SGIP1: variants seen among roughly 807,000 people sequenced by gnomAD.
The protein encoded by SGIP1 is SH3GL interacting endocytic adaptor 1, also known as SH3-containing GRB2-like protein 3-interacting protein 1.
In SGIP1, 38 loss-of-function variants were observed where a neutral mutation model predicts 107.5. The observed-to-expected ratio is 0.35, with a 90% CI of 0.27 to 0.46. The LOEUF is 0.46. Among genes scored for constraint, SGIP1 ranks in the 20% least tolerant of loss-of-function variants. SGIP1 has a pLI of 1.00. For synonymous variants in SGIP1, 365 were observed against 366.1 expected, an observed-to-expected ratio of 1.00 and a Z score of 0.03; for missense variants, 929 against 1,019.5, an observed-to-expected ratio of 0.91 and a Z score of 1.21.
chr1:66,739,997 CAGAGGA>C (rs2094395200), intron 22 of SGIP1, among the ~76,000 whole-genome samples: 1 of 152,204 alleles, frequency 6.6e-6, no homozygotes, highest in Non-Finnish European at 1.5e-5. Context: ...GATTGCTGAT[CAGAGGA>C]AAACAGTCAA....
chr1:66,563,950 C>T (rs2059309297), intron 1 of SGIP1, among the ~76,000 whole-genome samples: 1 of 151,950 alleles, frequency 6.6e-6, no homozygotes, highest in Non-Finnish European at 1.5e-5. Flanking sequence ...CCAGTCCTGC[C>T]ATGAATAGAT....
At chr1:66,690,774 A>G (rs1004836749) in intron 17 of SGIP1, among the ~76,000 whole-genome samples, 5 of 152,160 alleles carry the variant, frequency 3.3e-5, no homozygotes, top group Admixed American at 2.6e-4. Context: ...TTGACAGATG[A>G]TATAAACATC....
At chr1:66,559,482 C>T (rs778756516) in intron 1 of SGIP1, among the ~76,000 whole-genome samples, 1 of 152,030 alleles carries the variant, frequency 6.6e-6, no homozygotes, top group Non-Finnish European at 1.5e-5. Context: ...AAAACTCTAA[C>T]TCAAACTGCC....
chr1:66,571,118 G>A (rs1481221236), intron 1 of SGIP1, among the ~76,000 whole-genome samples: 1 of 152,022 alleles, frequency 6.6e-6, no homozygotes, highest in Non-Finnish European at 1.5e-5. Context: ...AAGTTGAATT[G>A]GATTAGGCCT....
chr1:66,536,286 A>C (rs1345795044), intron 1 of SGIP1, among the ~76,000 whole-genome samples: 1 of 152,176 alleles, frequency 6.6e-6, no homozygotes, highest in East Asian at 1.9e-4. Context: ...CTTTCACCAG[A>C]TCTTTTGCAA....
At chr1:66,655,254 T>C (rs543670686) in intron 7 of SGIP1, among the ~76,000 whole-genome samples, 12 of 151,910 alleles carry the variant, frequency 7.9e-5, no homozygotes, top group African/African-American at 2.9e-4. Flanking sequence ...TCCCTCTCCT[T>C]CCACTACTCC....
chr1:66,625,532 G>T (rs1357946954), intron 1 of SGIP1, among the ~76,000 whole-genome samples: 3 of 152,188 alleles, frequency 2.0e-5, no homozygotes, highest in Non-Finnish European at 4.4e-5. Flanking sequence ...TTGGCTTCCT[G>T]GCAGAACCCC....
intron 14 of SGIP1, 116 bp downstream of exon 14, chr1:66,679,868 G>A: frequency 1.0e-6 from 1 of 958,988 alleles, no homozygotes; most frequent in Non-Finnish European, 1.5e-6. Context: ...CACAATGTTG[G>A]CATTCAGTTT....
intron 17 of SGIP1, 163 bp from the exon 18 acceptor site, chr1:66,695,271 A>AAAAAAAAAAAT: frequency 3.0e-6 from 4 of 1,325,964 alleles, no homozygotes; most frequent in East Asian, 2.9e-5. Flanking sequence ...AAAAAAAAAA[A>AAAAAAAAAAAT]GTGTAGATTG....
chr1:66,660,455 A>T, intron 7 of SGIP1, 58 bp from the exon 8 acceptor site: 4 of 1,510,950 alleles, frequency 2.6e-6, no homozygotes, highest in Non-Finnish European at 2.8e-6. Flanking sequence ...CTTCTTGAAA[A>T]TACATTTCAC....
At chr1:66,664,051 T>C (rs2082047798) in intron 8 of SGIP1, among the ~76,000 whole-genome samples, 1 of 152,318 alleles carries the variant, frequency 6.6e-6, no homozygotes, top group Non-Finnish European at 1.5e-5. Flanking sequence ...AGTCCTCTAA[T>C]TGCTATATTT....
In SGIP1 at chr1:66,682,004, A is replaced by C. The variant is rs1007704168; in HGVS notation, c.950A>C (p.Asp317Ala). 1 of 1,614,160 alleles carries C rather than the reference A, an allele frequency of 6.2e-7. No individual in the cohort carries two copies. Among genetic ancestry groups the C allele is most frequent in the Non-Finnish European group, 8.5e-7 (1 of 1,180,022 alleles). ...GAAGAAAAGTGGGTCCATTTTTCTGATACATCCCCGGAACATGTTACTCCG... is the reference window on the plus strand; with the variant it reads ...GAAGAAAAGTGGGTCCATTTTTCTGCTACATCCCCGGAACATGTTACTCCG... Reference protein sequence around the residue: ...NAEEKWVHFSDTSPEHVTPEL... With the variant: ...NAEEKWVHFSATSPEHVTPEL... Residue 317 changes from aspartate (D) to alanine (A), a missense_variant, in exon 15 of 25, where the codon GAT becomes GCT. By Grantham distance (126) the Asp-to-Ala change is moderately radical. Around this residue, in one of 2 missense-constraint regions of SGIP1, gnomAD observed 588 missense variants for 588.6 expected, o/e 1.00. Coordinates refer to ENST00000371037, the MANE Select transcript of SGIP1 (RefSeq NM_032291.4).
At chr1:66,636,383 C>T (rs1020423800) in intron 4 of SGIP1, among the ~76,000 whole-genome samples, 9 of 152,230 alleles carry the variant, frequency 5.9e-5, no homozygotes, top group Non-Finnish European at 1.3e-4. Flanking sequence ...TAAGCACTGT[C>T]TCAATAACAT....
intron 2 of SGIP1, among the ~76,000 whole-genome samples, chr1:66,628,961 C>T (rs1273439144): frequency 6.6e-6 from 1 of 152,170 alleles, no homozygotes; most frequent in Admixed American, 6.5e-5. Context: ...TAGTATAAGC[C>T]TTTGCTTTTC....
rs1442945708 is a variant in SGIP1, at chr1:66,682,145, C to T, written c.1091C>T (p.Pro364Leu). The T allele has an allele frequency of 3.7e-6, 6 of 1,614,104 alleles. No individual in the cohort carries two copies. The highest frequency in any genetic ancestry group is 5.1e-6 in the Non-Finnish European group (6 of 1,180,030). ...PPGPTGPPGP[P>L]GPPRNVLSPL... is the part of the protein sequence containing the mutation. ...GGTCCCACAGGCCCCCCAGGGCCTCCTGGGCCTCCTCGCAATGTACTATCG... is the reference window on the plus strand; with the variant it reads ...GGTCCCACAGGCCCCCCAGGGCCTCTTGGGCCTCCTCGCAATGTACTATCG... Residue 364 changes from proline (P) to leucine (L), a missense_variant, in exon 15 of 25, where the codon CCT (proline) becomes CTT (leucine). Transcript: ENST00000371037.
intron 7 of SGIP1, among the ~76,000 whole-genome samples, chr1:66,657,856 C>T (rs1296263408): frequency 6.6e-6 from 1 of 152,254 alleles, no homozygotes; most frequent in Non-Finnish European, 1.5e-5. Flanking sequence ...TCTTATTTAT[C>T]TTTTCCATAA....
At position 66,732,659 on chromosome 1, in the gene SGIP1, T is replaced by C. The variant is rs559525874; in HGVS notation, c.1899-1089T>C. Among the ~76,000 whole-genome samples the C allele has an allele frequency of 8.5e-5, 13 of 152,316 alleles. No individual in the cohort carries two copies. In the South Asian group the frequency reaches 2.5e-3, roughly 29 times the overall value. The stretch of plus-strand genomic sequence containing the variant: ...TATGAGACTTCTGGAGGCTGAATCA[T>C]AGCAACTTACTTTTGACCTGTCTTT... On this transcript the variant is annotated intron_variant, in intron 20 of 24. Coordinates refer to ENST00000371037, the MANE Select transcript of SGIP1 (RefSeq NM_032291.4).
chr1:66,735,194 GTTAT>G (rs111552667), intron 21 of SGIP1, among the ~76,000 whole-genome samples: 103,873 of 151,158 alleles, frequency 0.69, 36,604 homozygotes, highest in African/African-American at 0.77. Context: ...TTATTTTTAT[GTTAT>G]TTTATTTTAT....
At chr1:66,670,949 A>G (rs1170608036) in intron 9 of SGIP1, 46 bp from the exon 10 acceptor site, 7 of 939,668 alleles carry the variant, frequency 7.4e-6, no homozygotes, top group Non-Finnish European at 1.1e-5. Context: ...ATTGTACATA[A>G]CATATATGTG....
Sources: allele counts gnomAD v4.1 joint callset (sites outside exome capture counted in the v4.1 genomes callset), GRCh38; gene constraint gnomAD v4.1.1; regional missense constraint gnomAD v4.1.1; transcripts MANE v1.5; gene names NCBI Gene and HGNC (gene_info 2026-07-23, HGNC 2026-07-21).